The following DCLK2 variants were observed in gnomAD, a reference collection of about 807,000 sequenced individuals.
The protein encoded by DCLK2 is doublecortin like kinase 2, also known as serine/threonine-protein kinase DCLK2.
In DCLK2, 31 loss-of-function variants were observed where a neutral mutation model predicts 78.4. That is an observed-to-expected ratio of 0.40 (90% CI 0.30 to 0.53). The LOEUF (loss-of-function observed/expected upper bound fraction) is 0.53. Among genes scored for constraint, DCLK2 ranks in the 20% least tolerant of loss-of-function variants. The pLI is 0.61. For synonymous variants in DCLK2, 407 were observed against 374.9 expected (o/e 1.09, Z -0.99); for missense variants, 872 against 973.7 (o/e 0.90, Z 1.39).
chr4:150,220,760 CGT>C lies in DCLK2; in HGVS notation c.1115_1116del (p.Arg372LeufsTer5). 1 of 1,613,674 alleles carries C rather than the reference CGT, an allele frequency of 6.2e-7. No homozygotes were observed. Among genetic ancestry groups the C allele is most frequent in the Non-Finnish European group, 8.5e-7 (1 of 1,179,742 alleles). On this transcript the variant is annotated frameshift_variant, in exon 6 of 16. Coordinates refer to ENST00000296550, the MANE Select transcript of DCLK2 (RefSeq NM_001040260.4). LOFTEE classifies it high-confidence loss of function. Reference sequence around the variant, plus strand: ...TGTAAACGGTGGACCTGAGCTTGACCGTTGCATAAGTCCTGAAGGTAGTTCTC... The same window carrying C: ...TGTAAACGGTGGACCTGAGCTTGACCTGCATAAGTCCTGAAGGTAGTTCTC... ...SNVNGGPELD[R>X]CISPEGVNGN... is the part of the protein sequence containing the mutation.
intron 2 of DCLK2, among the ~76,000 whole-genome samples, chr4:150,156,804 G>A (rs1057309656): frequency 6.6e-6 from 1 of 150,420 alleles, no homozygotes; most frequent in African/African-American, 2.5e-5. Context: ...TTGAGACAGA[G>A]TCTTGCTCTG....
In DCLK2 at chr4:150,222,567, C is replaced by T. The variant is rs548336651; in HGVS notation, c.1241+782C>T. 4.6e-5 allele frequency among the ~76,000 whole-genome samples: 7 copies of T among 152,200 alleles called. No homozygotes were observed. In the South Asian group the frequency reaches 1.5e-3, roughly 32 times the overall value. ...TGTTTAAGATCACAATCAGGCCAGGCCTGGTGGCTAGCTCACACCTGTAAT... is the reference window on the plus strand; with the variant it reads ...TGTTTAAGATCACAATCAGGCCAGGTCTGGTGGCTAGCTCACACCTGTAAT... On this transcript the variant is annotated intron_variant, in intron 7 of 15. Coordinates refer to ENST00000296550, the MANE Select transcript of DCLK2 (RefSeq NM_001040260.4).
intron 5 of DCLK2, among the ~76,000 whole-genome samples, chr4:150,207,850 A>G (rs1471150867): frequency 2.6e-5 from 4 of 152,192 alleles, no homozygotes; most frequent in Non-Finnish European, 5.9e-5. Flanking sequence ...GACTTTATTC[A>G]AAGAGTGGGG....
At chr4:150,112,579 T>C (rs763967275) in intron 2 of DCLK2, among the ~76,000 whole-genome samples, 8 of 152,190 alleles carry the variant, frequency 5.3e-5, no homozygotes, top group Non-Finnish European at 7.3e-5. Flanking sequence ...ATGGCTTTTA[T>C]TATTTTGAGG....
chr4:150,197,967 C>G (rs911805149), intron 3 of DCLK2, 35 bp from the exon 4 acceptor site: 6 of 1,561,656 alleles, frequency 3.8e-6, no homozygotes, highest in Non-Finnish European at 5.2e-6. Flanking sequence ...GTTATTAAAA[C>G]CAGATTTAGT....
Position 150,201,640 on chromosome 4 carries a change from G to A in DCLK2, c.962-2155G>A, listed in dbSNP as rs758307801. On this transcript the variant is annotated intron_variant, in intron 4 of 15. Coordinates refer to ENST00000296550, the MANE Select transcript of DCLK2 (RefSeq NM_001040260.4). ...AGGAGACTGATCTACTGCAGAGATC[G>A]CCATCTGCCAGAACTGCTTTTTCTC... Among the ~76,000 whole-genome samples, 25 of 152,154 alleles carry A rather than the reference G, an allele frequency of 1.6e-4. 1 individual carries two copies. Among genetic ancestry groups the A allele is most frequent in the Admixed American group, 4.6e-4 (7 of 15,286 alleles).
intron 3 of DCLK2, among the ~76,000 whole-genome samples, chr4:150,197,780 A>G (rs543203008): frequency 2.6e-5 from 4 of 151,780 alleles, no homozygotes; most frequent in African/African-American, 9.7e-5. Flanking sequence ...GGAAACGGGA[A>G]CAAAACTCCA....
intron 10 of DCLK2, among the ~76,000 whole-genome samples, chr4:150,238,664 A>G (rs546792189): frequency 1.6e-4 from 25 of 152,150 alleles, no homozygotes; most frequent in African/African-American, 6.0e-4. Context: ...CTGATTACCC[A>G]CAAGGAAGGA....
chr4:150,142,617 G>C (rs889849557), intron 2 of DCLK2, among the ~76,000 whole-genome samples: 1 of 152,026 alleles, frequency 6.6e-6, no homozygotes, highest in Non-Finnish European at 1.5e-5. Flanking sequence ...ATCTGTTCTG[G>C]AGTTAACAAT....
At chr4:150,139,458 A>G (rs937040854) in intron 2 of DCLK2, among the ~76,000 whole-genome samples, 8 of 152,204 alleles carry the variant, frequency 5.3e-5, no homozygotes, top group Non-Finnish European at 1.2e-4. Flanking sequence ...GCCTGGATTC[A>G]GATGACTGTT....
intron 2 of DCLK2, among the ~76,000 whole-genome samples, chr4:150,192,040 A>G (rs1254047235): frequency 1.3e-5 from 2 of 152,236 alleles, no homozygotes; most frequent in Admixed American, 1.3e-4. Context: ...ACTGGTGAAA[A>G]TAAAGCCTAT....
chr4:150,196,538 C>T (rs1008863897), intron 3 of DCLK2, among the ~76,000 whole-genome samples: 3 of 152,076 alleles, frequency 2.0e-5, no homozygotes, highest in Non-Finnish European at 4.4e-5. Context: ...TAAAATTAAT[C>T]CACATTTTAA....
chr4:150,227,615 C>T (rs2126553156), intron 8 of DCLK2, among the ~76,000 whole-genome samples: 1 of 152,286 alleles, frequency 6.6e-6, no homozygotes, highest in East Asian at 1.9e-4. Flanking sequence ...ATTACAAGAG[C>T]TGCGTTGGGG....
At position 150,256,280 on chromosome 4, in the gene DCLK2, A is replaced by C. The variant is rs13101258; in HGVS notation, c.*33A>C. The C allele has an allele frequency of 0.94, 1,372,985 of 1,467,640 alleles. 643,707 individuals carry two copies. Among genetic ancestry groups the C allele is most frequent in the Middle Eastern group, 0.95 (3,769 of 3,966 alleles). The allele number at this position is 1,467,640 out of a possible 1,614,324, so 90.9% of individuals were successfully genotyped here. A position where few individuals can be genotyped will look rare whatever the true frequency, so the allele number is the denominator to read the frequency against. Reference sequence around the variant, plus strand: ...GCAGACGGGCGAAGCCGCCTGCTGCAGCCCAGGAAGCCAGCCCTCTGCTCG... The same window carrying C: ...GCAGACGGGCGAAGCCGCCTGCTGCCGCCCAGGAAGCCAGCCCTCTGCTCG... On this transcript the variant is annotated 3_prime_UTR_variant, in exon 16 of 16. Coordinates refer to ENST00000296550, the MANE Select transcript of DCLK2 (RefSeq NM_001040260.4).
chr4:150,240,043 G>A (rs1203643201), intron 11 of DCLK2, among the ~76,000 whole-genome samples, 168 bp downstream of exon 11: 1 of 152,262 alleles, frequency 6.6e-6, no homozygotes, highest in African/African-American at 2.4e-5. Context: ...ATTGCTGCTT[G>A]TGTATACAGT....
At chr4:150,124,907 G>T (rs1732812091) in intron 2 of DCLK2, among the ~76,000 whole-genome samples, 2 of 152,108 alleles carry the variant, frequency 1.3e-5, no homozygotes, top group Non-Finnish European at 2.9e-5. Flanking sequence ...TATGATTTGT[G>T]CCCCCAAGGA....
At chr4:150,150,854 CT>C in intron 2 of DCLK2, among the ~76,000 whole-genome samples, 1 of 152,362 alleles carries the variant, frequency 6.6e-6, no homozygotes, top group East Asian at 1.9e-4. Flanking sequence ...TGTGTGGGAA[CT>C]TTCTCCAGCT....
chr4:150,243,999 A>G (rs1423832912), intron 12 of DCLK2, among the ~76,000 whole-genome samples: 1 of 151,506 alleles, frequency 6.6e-6, no homozygotes, highest in African/African-American at 2.4e-5. Flanking sequence ...TAGTGGTGCA[A>G]TCATAGCTCA....
chr4:150,249,766 C>G (rs1199527904), intron 15 of DCLK2, 82 bp downstream of exon 15: 3 of 1,145,946 alleles, frequency 2.6e-6, no homozygotes, highest in Non-Finnish European at 4.0e-6. Context: ...GCTGCCCTCA[C>G]ATGGAAGTTG....
Sources: allele counts gnomAD v4.1 joint callset (sites outside exome capture counted in the v4.1 genomes callset), GRCh38; gene constraint gnomAD v4.1.1; transcripts MANE v1.5; gene names NCBI Gene and HGNC (gene_info 2026-07-23, HGNC 2026-07-21).